The following AK4 variants were observed in gnomAD, a reference collection of about 807,000 sequenced individuals.
AK4 encodes the protein adenylate kinase 4, mitochondrial.
A neutral mutation model predicts 24.6 loss-of-function variants in AK4; 13 were observed. The ratio of observed to expected loss-of-function variants is 0.53; its 90% CI spans 0.34 to 0.84. AK4 has a LOEUF of 0.84. Among genes scored for constraint, AK4 ranks in the 40% least tolerant of loss-of-function variants. The pLI, the probability that AK4 is intolerant of heterozygous loss-of-function variation, is 0.01. For synonymous variants in AK4, 88 were observed against 107.0 expected, an observed-to-expected ratio of 0.82 and a Z score of 1.10; for missense variants, 192 against 288.2, an observed-to-expected ratio of 0.67 and a Z score of 2.42.
At chr1:65,157,153 T>C (rs1405730609) in intron 1 of AK4, among the ~76,000 whole-genome samples, 1 of 152,184 alleles carries the variant, frequency 6.6e-6, no homozygotes, top group Admixed American at 6.5e-5. Flanking sequence ...TGGTGCTATG[T>C]TGTTTTGGTT....
At chr1:65,150,033 A>T (rs1411252545) in intron 1 of AK4, among the ~76,000 whole-genome samples, 3 of 152,170 alleles carry the variant, frequency 2.0e-5, no homozygotes, top group Non-Finnish European at 4.4e-5. Context: ...AGCCCATTCC[A>T]TAATTCTCTG....
At chr1:65,206,982 C>T (rs1008724994) in intron 2 of AK4, among the ~76,000 whole-genome samples, 2 of 152,132 alleles carry the variant, frequency 1.3e-5, no homozygotes, top group East Asian at 3.9e-4. Context: ...AAAATCCTCG[C>T]GATGATCCCA....
Position 65,218,925 on chromosome 1 carries a change from A to G in AK4, c.437A>G (p.His146Arg). 1.3e-6 allele frequency: 2 copies of G among 1,566,740 alleles called. No individual in the cohort carries two copies. The highest frequency in any genetic ancestry group is 8.6e-7 in the Non-Finnish European group (1 of 1,160,498). ...CTGGACTTCAATCCACCTCATGTAC[A>G]TGTAAGAATATACAAAGTGCTTTCA... ...YNLDFNPPHVHGIDDVTGEPL... is the reference protein window; with the variant it reads ...YNLDFNPPHVRGIDDVTGEPL... The change falls in exon 3 of 5, where the codon CAT (histidine) becomes CGT (arginine). Residue 146 changes from histidine to arginine, a missense_variant and splice_region_variant. Physicochemically the swap from His to Arg is conservative, Grantham distance 29. Transcript: ENST00000327299.
chr1:65,216,550 T>TGGCCTTGAA (rs375125785), intron 2 of AK4, among the ~76,000 whole-genome samples: 1 of 148,044 alleles, frequency 6.8e-6, no homozygotes, highest in African/African-American at 2.7e-5. Flanking sequence ...TAGAAAATGC[T>TGGCCTTGAA]TTTCATTGAT....
intron 1 of AK4, among the ~76,000 whole-genome samples, chr1:65,187,122 G>T (rs4916027): frequency 0.31 from 46,502 of 151,736 alleles, 7,595 homozygotes; most frequent in East Asian, 0.52. Flanking sequence ...CACTTTGGGA[G>T]GCTGAGGCGG....
chr1:65,167,363 A>G (rs983587485), intron 1 of AK4, among the ~76,000 whole-genome samples: 58 of 152,322 alleles, frequency 3.8e-4, no homozygotes, highest in Middle Eastern at 3.4e-3. Flanking sequence ...GCTATAAAAT[A>G]TTGATTGCAT....
At chr1:65,203,190 CAA>C (rs1651716728) in intron 2 of AK4, among the ~76,000 whole-genome samples, 1 of 152,042 alleles carries the variant, frequency 6.6e-6, no homozygotes, top group Non-Finnish European at 1.5e-5. Flanking sequence ...CTTGAGCAAG[CAA>C]AGTTTTCTTT....
intron 1 of AK4, among the ~76,000 whole-genome samples, chr1:65,179,738 G>A (rs1001435349): frequency 6.6e-6 from 1 of 152,166 alleles, no homozygotes; most frequent in African/African-American, 2.4e-5. Context: ...TGGAGGCTGA[G>A]GCGGGAGAAT....
intron 1 of AK4, among the ~76,000 whole-genome samples, chr1:65,156,925 CAA>C (rs71829208): frequency 2.3e-4 from 19 of 81,304 alleles, no homozygotes; most frequent in Non-Finnish European, 2.0e-4. Flanking sequence ...GACTGTGTCT[CAA>C]AAAAAAAAAA....
At chr1:65,207,674 G>A (rs1485622161) in intron 2 of AK4, among the ~76,000 whole-genome samples, 1 of 151,742 alleles carries the variant, frequency 6.6e-6, no homozygotes, top group African/African-American at 2.4e-5. Context: ...GTACCTGATA[G>A]GTAGCTTTCC....
chr1:65,172,855 ATTTTTTTTTTT>A (rs11408059), intron 1 of AK4, among the ~76,000 whole-genome samples: 7 of 110,912 alleles, frequency 6.3e-5, no homozygotes, highest in Non-Finnish European at 1.0e-4. Flanking sequence ...CCAGCAAGAG[ATTTTTTTTTTT>A]TTTTTTTTTT....
intron 2 of AK4, among the ~76,000 whole-genome samples, chr1:65,199,383 A>G (rs1267154220): frequency 6.6e-6 from 1 of 152,060 alleles, no homozygotes; most frequent in Admixed American, 6.6e-5. Context: ...CCCCATCTTT[A>G]TTAAAAATAC....
chr1:65,219,963 C>T (rs762360605), intron 3 of AK4, among the ~76,000 whole-genome samples: 2 of 152,114 alleles, frequency 1.3e-5, no homozygotes, highest in Non-Finnish European at 2.9e-5. Context: ...ATAATTTTGC[C>T]TTCTATAGAA....
chr1:65,156,077 A>T (rs1326301343), intron 1 of AK4, among the ~76,000 whole-genome samples: 1 of 152,234 alleles, frequency 6.6e-6, no homozygotes, highest in Non-Finnish European at 1.5e-5. Context: ...TTTGTTAAAT[A>T]CTGTTTTTTA....
chr1:65,188,923 C>T (rs985237350), intron 1 of AK4, among the ~76,000 whole-genome samples: 5 of 151,784 alleles, frequency 3.3e-5, no homozygotes, highest in African/African-American at 7.3e-5. Flanking sequence ...TATAGGTGCC[C>T]GCCACCTAAT....
At chr1:65,177,295 A>G (rs1333338679) in intron 1 of AK4, among the ~76,000 whole-genome samples, 1 of 152,238 alleles carries the variant, frequency 6.6e-6, no homozygotes, top group Non-Finnish European at 1.5e-5. Flanking sequence ...AAAAATGAGT[A>G]GGATTATAGT....
chr1:65,221,670 C>A (rs1652297710), intron 3 of AK4, among the ~76,000 whole-genome samples: 1 of 152,182 alleles, frequency 6.6e-6, no homozygotes, highest in African/African-American at 2.4e-5. Context: ...TCTGACAATA[C>A]AGATGGGAAA....
chr1:65,175,406 G>A (rs1650679365), intron 1 of AK4, among the ~76,000 whole-genome samples: 1 of 152,234 alleles, frequency 6.6e-6, no homozygotes, highest in African/African-American at 2.4e-5. Flanking sequence ...AATCCATCCT[G>A]TGTGAGCAGA....
chr1:65,152,625 T>C (rs1440274010), intron 1 of AK4, among the ~76,000 whole-genome samples: 1 of 151,598 alleles, frequency 6.6e-6, no homozygotes, highest in Non-Finnish European at 1.5e-5. Context: ...GGTCTTGAAC[T>C]CCTGACCTCA....
Sources: allele counts gnomAD v4.1 joint callset (sites outside exome capture counted in the v4.1 genomes callset), GRCh38; gene constraint gnomAD v4.1.1; transcripts MANE v1.5; gene names NCBI Gene and HGNC (gene_info 2026-07-23, HGNC 2026-07-21).